PRKAG2: variants seen among roughly 807,000 people sequenced by gnomAD.
The protein encoded by PRKAG2 is 5'-AMP-activated protein kinase subunit gamma-2.
Under a neutral mutation model 69.6 loss-of-function variants are expected in PRKAG2, and 26 were observed. That is an observed-to-expected ratio of 0.37 (90% CI 0.27 to 0.52). The LOEUF is 0.52. Among genes scored for constraint, PRKAG2 ranks in the 20% least tolerant of loss-of-function variants. PRKAG2 has a pLI of 0.90. For synonymous variants in PRKAG2, 293 were observed against 285.0 expected (o/e 1.03, Z -0.28); for missense variants, 557 against 740.0 (o/e 0.75, Z 2.87).
chr7:151,812,116 G>A (rs540571437), intron 1 of PRKAG2, among the ~76,000 whole-genome samples: 1 of 152,194 alleles, frequency 6.6e-6, no homozygotes, highest in Non-Finnish European at 1.5e-5. Flanking sequence ...TAACAGCAGT[G>A]TAAGAGGTAA....
chr7:151,711,036 G>C (rs1795218362), intron 3 of PRKAG2, among the ~76,000 whole-genome samples: 2 of 152,152 alleles, frequency 1.3e-5, no homozygotes, highest in Non-Finnish European at 2.9e-5. Context: ...TACTAAGAGT[G>C]CTAGGCTTAG....
intron 1 of PRKAG2, among the ~76,000 whole-genome samples, chr7:151,822,524 C>G (rs1252414154): frequency 6.6e-6 from 1 of 152,202 alleles, no homozygotes; most frequent in Non-Finnish European, 1.5e-5. Flanking sequence ...GGTCCAGGGG[C>G]TCCCTTGGGG....
intron 3 of PRKAG2, among the ~76,000 whole-genome samples, chr7:151,704,287 T>C (rs1038638118): frequency 6.6e-6 from 1 of 152,210 alleles, no homozygotes; most frequent in Non-Finnish European, 1.5e-5. Context: ...TGCTATCAAA[T>C]AGTAGGTCTT....
At chr7:151,774,633 C>A (rs1258949475) in intron 3 of PRKAG2, among the ~76,000 whole-genome samples, 4 of 152,092 alleles carry the variant, frequency 2.6e-5, no homozygotes, top group African/African-American at 9.7e-5. Flanking sequence ...ATGGCGAAAC[C>A]CTGTCTCTAC....
chr7:151,778,951 C>A (rs1050938731), intron 3 of PRKAG2, among the ~76,000 whole-genome samples: 4 of 150,012 alleles, frequency 2.7e-5, no homozygotes, highest in African/African-American at 9.9e-5. Flanking sequence ...ACACATACAT[C>A]TATACAAATC....
chr7:151,781,073 T>C lies in PRKAG2; in HGVS notation c.466+79A>G. The C allele has an allele frequency of 2.5e-6, 4 of 1,584,776 alleles. No homozygotes were observed. The South Asian group carries it at 3.3e-5, about 13-fold the overall frequency. On this transcript the variant is annotated intron_variant, in intron 3 of 15. Coordinates refer to ENST00000287878, the MANE Select transcript of PRKAG2 (RefSeq NM_016203.4). The surrounding 1 kb of genome is among the most constrained non-coding windows in gnomAD (Gnocchi z 6.1). Reference sequence around the variant, plus strand: ...GCTCACAGCCACCTGGCAGCTTCGGTGCCACCGTGGATGTGTGGCTGCAGA... The same window carrying C: ...GCTCACAGCCACCTGGCAGCTTCGGCGCCACCGTGGATGTGTGGCTGCAGA...
Position 151,807,655 on chromosome 7 carries a change from G to A in PRKAG2, c.115-21114C>T, listed in dbSNP as rs113667632. The A allele has an allele frequency of 6.8e-5, 31 of 456,334 alleles. No individual in the cohort carries two copies. Among genetic ancestry groups the A allele is most frequent in the African/African-American group, 3.4e-4 (17 of 50,042 alleles). 28.3% of individuals were successfully genotyped at this position (456,334 alleles called of 1,614,324 possible). A position where few individuals can be genotyped will look rare whatever the true frequency, so the allele number is the denominator to read the frequency against. On this transcript the variant is annotated intron_variant, in intron 1 of 15. Coordinates refer to ENST00000287878, the MANE Select transcript of PRKAG2 (RefSeq NM_016203.4). The surrounding 1 kb of genome is among the most constrained non-coding windows in gnomAD (Gnocchi z 4.4). ...CAACAGGTAAGTCCCAGCAGGGTGC[G>A]ATGTCCCAAACCTACACAACCGTTT...
chr7:151,743,044 T>C (rs1272570359), intron 3 of PRKAG2, among the ~76,000 whole-genome samples: 1 of 152,152 alleles, frequency 6.6e-6, no homozygotes, highest in East Asian at 1.9e-4. Flanking sequence ...CTTCCCCTCT[T>C]CTGTTTCCGC....
At chr7:151,611,713 G>A (rs1232872779) in intron 5 of PRKAG2, among the ~76,000 whole-genome samples, 1 of 152,060 alleles carries the variant, frequency 6.6e-6, no homozygotes, top group African/African-American at 2.4e-5. Context: ...TACGTGGGGT[G>A]GTCCAGATCT....
At chr7:151,739,605 G>C (rs1047536208) in intron 3 of PRKAG2, among the ~76,000 whole-genome samples, 101 of 152,150 alleles carry the variant, frequency 6.6e-4, no homozygotes, top group African/African-American at 2.4e-3. Flanking sequence ...AAGTGGCTGG[G>C]ACTACAGGTG....
At chr7:151,868,369 T>C (rs1489787675) in intron 1 of PRKAG2, among the ~76,000 whole-genome samples, 1 of 152,174 alleles carries the variant, frequency 6.6e-6, no homozygotes. Context: ...GCATAAGCCA[T>C]GCAATGAGTA....
intron 3 of PRKAG2, among the ~76,000 whole-genome samples, chr7:151,704,998 G>A (rs1432290972): frequency 6.6e-6 from 1 of 152,242 alleles, no homozygotes; most frequent in Non-Finnish European, 1.5e-5. Context: ...TGAACGAAAT[G>A]AGGTTTCTTT....
intron 1 of PRKAG2, among the ~76,000 whole-genome samples, chr7:151,817,321 G>A (rs1563725778): frequency 6.6e-6 from 1 of 152,064 alleles, no homozygotes; most frequent in African/African-American, 2.4e-5. Flanking sequence ...ACATCCCCTC[G>A]GACTCACCCG....
At chr7:151,718,461 G>A (rs1245016776) in intron 3 of PRKAG2, among the ~76,000 whole-genome samples, 1 of 151,994 alleles carries the variant, frequency 6.6e-6, no homozygotes, top group Non-Finnish European at 1.5e-5. Context: ...AGCACGGCAC[G>A]AGTCCTCCAG....
intron 13 of PRKAG2, 101 bp from the exon 14 acceptor site, chr7:151,564,325 T>G (rs140810393): frequency 7.6e-7 from 1 of 1,314,286 alleles, no homozygotes; most frequent in South Asian, 1.2e-5. Flanking sequence ...AAAACTTTAA[T>G]GCTTATCTGA....
chr7:151,846,653 T>C (rs1479339457), intron 1 of PRKAG2, among the ~76,000 whole-genome samples: 6 of 152,140 alleles, frequency 3.9e-5, no homozygotes, highest in Non-Finnish European at 7.4e-5. Context: ...TGTATGTCTG[T>C]ATGTGTAGGT....
chr7:151,611,795 T>C (rs772639050), intron 5 of PRKAG2, among the ~76,000 whole-genome samples: 52 of 152,308 alleles, frequency 3.4e-4, no homozygotes, highest in Non-Finnish European at 6.9e-4. Context: ...GGCCCATACC[T>C]GTAATCCCAG....
intron 4 of PRKAG2, among the ~76,000 whole-genome samples, chr7:151,672,361 C>G (rs546796178): frequency 1.3e-5 from 2 of 152,254 alleles, no homozygotes; most frequent in African/African-American, 4.8e-5. Flanking sequence ...TCCCAAAGTG[C>G]TGGGATTACA....
chr7:151,558,149 G>T (rs995809612), intron 15 of PRKAG2: 2 of 985,316 alleles, frequency 2.0e-6, no homozygotes, highest in East Asian at 2.3e-4. Context: ...GGTTCATTTG[G>T]ACAGTCTAAG....
Sources: gnomAD v4.1 joint callset for allele counts (sites outside exome capture counted in the v4.1 genomes callset) on GRCh38, gnomAD v4.1.1 for gene constraint, Gnocchi (gnomAD v3.1) non-coding constraint, MANE v1.5 for transcripts, NCBI Gene and HGNC (gene_info 2026-07-23, HGNC 2026-07-21) for gene names.